SLC36A1: variants seen among roughly 807,000 people sequenced by gnomAD.
SLC36A1 encodes solute carrier family 36 member 1.
Under a neutral mutation model 47.5 loss-of-function variants are expected in SLC36A1, and 30 were observed. That is an observed-to-expected ratio of 0.63 (90% CI 0.47 to 0.86). The LOEUF is 0.86. Among genes scored for constraint, SLC36A1 ranks in the 40% least tolerant of loss-of-function variants. The pLI is 0.00. For missense variants in SLC36A1, 517 were observed against 606.0 expected (o/e 0.85, Z 1.54); for synonymous variants, 255 against 249.7 (o/e 1.02, Z -0.20).
the SLC36A1 span, among the ~76,000 whole-genome samples, chr5:151,393,455 C>G: frequency 1.3e-5 from 2 of 152,170 alleles, no homozygotes; most frequent in Admixed American, 6.5e-5. Context: ...ATGATGTTAG[C>G]TGGTTATTTT....
chr5:151,438,591 A>C (rs564626540), intron 1 of SLC36A1, among the ~76,000 whole-genome samples: 1 of 152,286 alleles, frequency 6.6e-6, no homozygotes, highest in South Asian at 2.1e-4. Context: ...TTTTGTTCCA[A>C]GAAGAGGAGT....
At chr5:151,448,557 G>A (rs756440570) in intron 1 of SLC36A1, among the ~76,000 whole-genome samples, 3 of 152,180 alleles carry the variant, frequency 2.0e-5, no homozygotes, top group African/African-American at 7.2e-5. Context: ...TATGAAATAT[G>A]AATCGGAATG....
the SLC36A1 span, chr5:151,531,456 A>T: frequency 1.6e-6 from 2 of 1,249,628 alleles, no homozygotes; most frequent in Non-Finnish European, 2.2e-6. The surrounding 1 kb of genome is among the most constrained non-coding windows in gnomAD (Gnocchi z 5.7). Context: ...GCAGAAGAGA[A>T]TGGAGAAACG....
chr5:151,507,944 G>T, the SLC36A1 span, among the ~76,000 whole-genome samples: 2 of 152,178 alleles, frequency 1.3e-5, no homozygotes, highest in Non-Finnish European at 2.9e-5. Context: ...CGACTCTCTA[G>T]CAATGATGTC....
chr5:151,484,433 C>T (rs1334792706), intron 10 of SLC36A1, among the ~76,000 whole-genome samples: 1 of 152,210 alleles, frequency 6.6e-6, no homozygotes, highest in Non-Finnish European at 1.5e-5. Flanking sequence ...GGAGCCCCAT[C>T]GCTTTGCTGT....
At chr5:151,362,552 A>G in the SLC36A1 span, among the ~76,000 whole-genome samples, 1 of 151,912 alleles carries the variant, frequency 6.6e-6, no homozygotes, top group East Asian at 1.9e-4. Flanking sequence ...CACCATGCCA[A>G]GCTAATTTTT....
chr5:151,531,145 G>C, the SLC36A1 span, among the ~76,000 whole-genome samples: 1 of 152,142 alleles, frequency 6.6e-6, no homozygotes, highest in East Asian at 1.9e-4. This position sits in a 1 kb window ranked among gnomAD's most constrained non-coding sequence, Gnocchi z 5.7. Flanking sequence ...GAAAATTAAG[G>C]GGTGCCAGGA....
chr5:151,419,264 C>T, the SLC36A1 span, among the ~76,000 whole-genome samples: 25,446 of 152,052 alleles, frequency 0.17, 2,339 homozygotes, highest in East Asian at 0.38. Flanking sequence ...GCTCAGATCA[C>T]AATTTTCAAC....
At chr5:151,348,456 A>T in the SLC36A1 span, among the ~76,000 whole-genome samples, 1 of 152,192 alleles carries the variant, frequency 6.6e-6, no homozygotes, top group Non-Finnish European at 1.5e-5. Context: ...CCATCATCTC[A>T]TCCCCAAAAC....
intron 6 of SLC36A1, among the ~76,000 whole-genome samples, 195 bp downstream of exon 6, chr5:151,467,478 CAT>C (rs1193046277): frequency 6.6e-6 from 1 of 152,166 alleles, no homozygotes; most frequent in Non-Finnish European, 1.5e-5. Context: ...GAAACCGCCA[CAT>C]GTCTTGTCGA....
chr5:151,359,675 G>A, the SLC36A1 span, among the ~76,000 whole-genome samples: 1 of 152,174 alleles, frequency 6.6e-6, no homozygotes, highest in Non-Finnish European at 1.5e-5. Flanking sequence ...CAGCCCTAGG[G>A]AGCAACTGAT....
chr5:151,454,315 G>A (rs1190507172), intron 1 of SLC36A1, among the ~76,000 whole-genome samples: 3 of 152,198 alleles, frequency 2.0e-5, no homozygotes, highest in African/African-American at 7.2e-5. Context: ...GGCAATTGCA[G>A]CAATAGACTT....
the SLC36A1 span, among the ~76,000 whole-genome samples, chr5:151,348,050 C>G: frequency 3.7e-4 from 56 of 152,292 alleles, no homozygotes; most frequent in African/African-American, 1.3e-3. Flanking sequence ...CTCACTGGCT[C>G]CACAGTCTGC....
At chr5:151,486,538 G>C (rs1198418822) in intron 10 of SLC36A1, among the ~76,000 whole-genome samples, 2 of 152,204 alleles carry the variant, frequency 1.3e-5, no homozygotes, top group African/African-American at 4.8e-5. Flanking sequence ...CAATCCTTCA[G>C]CTGCTCAGCC....
the SLC36A1 span, among the ~76,000 whole-genome samples, chr5:151,363,875 T>A: frequency 2.0e-5 from 3 of 152,182 alleles, no homozygotes; most frequent in Non-Finnish European, 4.4e-5. Flanking sequence ...ACTGGAGAGA[T>A]GAACTACTGA....
the SLC36A1 span, among the ~76,000 whole-genome samples, chr5:151,416,728 T>G: frequency 6.6e-6 from 1 of 152,174 alleles, no homozygotes; most frequent in South Asian, 2.1e-4. Context: ...CCATCCACAC[T>G]CAGGATAATC....
chr5:151,382,424 A>G, the SLC36A1 span: 1 of 651,204 alleles, frequency 1.5e-6, no homozygotes, highest in Non-Finnish European at 2.7e-6. Context: ...CTTGCTCAGT[A>G]GGGATAGATG....
the SLC36A1 span, among the ~76,000 whole-genome samples, chr5:151,422,894 A>T: frequency 6.6e-6 from 1 of 152,138 alleles, no homozygotes. Flanking sequence ...GTGAGCTGAG[A>T]TGGCATCACT....
upstream of SLC36A1, among the ~76,000 whole-genome samples, chr5:151,433,231 TATATATATATATATATATATATA>T (rs1759481417): frequency 1.5e-4 from 1 of 6,680 alleles, no homozygotes; most frequent in African/African-American, 5.2e-4. Flanking sequence ...CATATATATA[TATATATATATATATATATATATA>T]TATATATATA....
Sources: allele counts gnomAD v4.1 joint callset (sites outside exome capture counted in the v4.1 genomes callset), GRCh38; gene constraint gnomAD v4.1.1; non-coding constraint Gnocchi (gnomAD v3.1); transcripts MANE v1.5; gene names NCBI Gene and HGNC (gene_info 2026-07-23, HGNC 2026-07-21).